The following ASB16 variants were observed in gnomAD, a reference collection of about 807,000 sequenced individuals.
The protein encoded by ASB16 is ankyrin repeat and SOCS box protein 16.
ASB16 carries 44 observed loss-of-function variants against 39.1 expected under a neutral mutation model. The ratio of observed to expected loss-of-function variants is 1.13; its 90% CI spans 0.88 to 1.45. The LOEUF is 1.45. ASB16 is among the 40% of genes most tolerant of loss of function. The pLI, the probability that ASB16 is intolerant of heterozygous loss-of-function variation, is 0.00. For missense variants in ASB16, 698 were observed against 634.5 expected, an observed-to-expected ratio of 1.10 and a Z score of -1.07; for synonymous variants, 305 against 286.7, an observed-to-expected ratio of 1.06 and a Z score of -0.64.
In ASB16 at chr17:44,178,453, C is replaced by T. The variant is rs533182118; in HGVS notation, c.*63C>T. The T allele has an allele frequency of 1.6e-5, 23 of 1,460,244 alleles. No individual in the cohort carries two copies. In the East Asian group the frequency reaches 4.2e-4, roughly 27 times the overall value. 90.5% of individuals were successfully genotyped at this position (1,460,244 alleles called of 1,614,324 possible). ...TCCCACCTGTCCCCGCCTCCAACTGCGGAGGACCAGTTCCTGGCCCTCTTT... is the reference window on the plus strand; with the variant it reads ...TCCCACCTGTCCCCGCCTCCAACTGTGGAGGACCAGTTCCTGGCCCTCTTT... On this transcript the variant is annotated 3_prime_UTR_variant, in exon 5 of 5. Coordinates refer to ENST00000293414, the MANE Select transcript of ASB16 (RefSeq NM_080863.5).
At chr17:44,171,561 TAAA>T (rs57839628) in intron 1 of ASB16, among the ~76,000 whole-genome samples, 12 of 97,702 alleles carry the variant, frequency 1.2e-4, no homozygotes, top group Non-Finnish European at 1.5e-4. Context: ...AGACCCTGCC[TAAA>T]AAAAAAAAAA....
intron 3 of ASB16, 56 bp from the exon 4 acceptor site, chr17:44,177,553 T>G (rs1005983704): frequency 1.1e-5 from 17 of 1,585,130 alleles, no homozygotes; most frequent in Non-Finnish European, 1.4e-5. Context: ...AGGCAAGACT[T>G]GGGTCTGCCC....
chr17:44,170,781 G>C lies in ASB16; in HGVS notation c.-9G>C. 1 of 1,580,996 alleles carries C rather than the reference G, an allele frequency of 6.3e-7. No individual in the cohort carries two copies. Among genetic ancestry groups the C allele is most frequent in the Non-Finnish European group, 8.6e-7 (1 of 1,163,056 alleles). On this transcript the variant is annotated 5_prime_UTR_variant, in exon 1 of 5. Coordinates refer to ENST00000293414, the MANE Select transcript of ASB16 (RefSeq NM_080863.5). The stretch of plus-strand genomic sequence containing the variant: ...CAGGTGCCACTGCCCAAACCCCTGG[G>C]CCCCATCCATGGCAAGAGAGACCTT...
chr17:44,176,952 C>G lies in ASB16; in HGVS notation c.784C>G (p.Arg262Gly). 1 of 1,501,470 alleles carries G rather than the reference C, an allele frequency of 6.7e-7. No individual in the cohort carries two copies. The highest frequency in any genetic ancestry group is 1.3e-5 in the South Asian group (1 of 79,514). The allele number at this position is 1,501,470 out of a possible 1,614,324, so 93.0% of individuals were successfully genotyped here. A position where few individuals can be genotyped will look rare whatever the true frequency, so the allele number is the denominator to read the frequency against. ...GGCCGAGGGCCCAGGTAGCTGCAGGCGACACCAGGCTGCGGCGCGCCGGCT... is the reference window on the plus strand; with the variant it reads ...GGCCGAGGGCCCAGGTAGCTGCAGGGGACACCAGGCTGCGGCGCGCCGGCT... ...AGAEGPGSCR[R>G]HQAAARRLLE... Residue 262 changes from arginine to glycine, a missense_variant, in exon 3 of 5, where the codon CGA becomes GGA. Arg to Gly is a moderately radical substitution (Grantham distance 125). Transcript: ENST00000293414.
Position 44,170,804 on chromosome 17 carries a change from C to T in ASB16, c.15C>T (p.Thr5=). 1 of 1,601,472 alleles carries T rather than the reference C, an allele frequency of 6.2e-7. No individual in the cohort carries two copies. The highest frequency in any genetic ancestry group is 8.5e-7 in the Non-Finnish European group (1 of 1,173,656). The change falls in exon 1 of 5, where the codon ACC becomes ACT. Residue 5 remains threonine, a synonymous_variant. Transcript: ENST00000293414. The part of the protein sequence containing the change: MARE[T]FPFTSSMLRS... ...GGGCCCCATCCATGGCAAGAGAGAC[C>T]TTCCCCTTCACCTCCTCCATGCTGC...
chr17:44,172,053 G>T lies in ASB16; in HGVS notation c.309G>T (p.Trp103Cys), dbSNP rs1161049963. The change falls in exon 2 of 5, where the codon TGG becomes TGT. Residue 103 changes from tryptophan to cysteine, a missense_variant. Coordinates refer to ENST00000293414, the MANE Select transcript of ASB16 (RefSeq NM_080863.5). ...ACTATTTGCTCTCCCTAGGGTTCTG[G>T]GTGCTGACCCCCAAGACCAAGCAGA... ...QLAWSAEQGF[W>C]VLTPKTKQTA... 6.2e-7 allele frequency: 1 copy of T among 1,611,922 alleles called. No homozygotes were observed. The highest frequency in any genetic ancestry group is 8.5e-7 in the Non-Finnish European group (1 of 1,179,580).
Position 44,178,438 on chromosome 17 carries a change from C to G in ASB16, c.*48C>G. ...GGTGTGTTCTGCCCCTCCCACCTGTCCCCGCCTCCAACTGCGGAGGACCAG... is the reference window on the plus strand; with the variant it reads ...GGTGTGTTCTGCCCCTCCCACCTGTGCCCGCCTCCAACTGCGGAGGACCAG... On this transcript the variant is annotated 3_prime_UTR_variant, in exon 5 of 5. Coordinates refer to ENST00000293414, the MANE Select transcript of ASB16 (RefSeq NM_080863.5). The G allele has an allele frequency of 1.3e-6, 2 of 1,502,654 alleles. No individual in the cohort carries two copies. Among genetic ancestry groups the G allele is most frequent in the Non-Finnish European group, 1.8e-6 (2 of 1,115,546 alleles). 93.1% of individuals were successfully genotyped at this position (1,502,654 alleles called of 1,614,324 possible).
rs146027914 is a variant in ASB16 at position 44,172,202 on chromosome 17, G to A, written c.458G>A (p.Arg153Gln). ...GCTGCCTTGCATGAGGCCTGTGCCC[G>A]AGCCCAGTTTGACTGTGTGCGGCTG... is the stretch of plus-strand genomic sequence containing the variant. ...GRAALHEACA[R>Q]AQFDCVRLLL... The change falls in exon 2 of 5, where the codon CGA becomes CAA. Residue 153 changes from arginine (R) to glutamine (Q), a missense_variant. Arg to Gln is a conservative substitution (Grantham distance 43). Coordinates refer to ENST00000293414, the MANE Select transcript of ASB16 (RefSeq NM_080863.5). The A allele has an allele frequency of 1.2e-4, 190 of 1,613,498 alleles. 1 individual carries two copies. In the African/African-American group the frequency reaches 2.2e-3, roughly 19 times the overall value.
chr17:44,177,878 C>A, intron 4 of ASB16, 156 bp downstream of exon 4: 3 of 1,061,532 alleles, frequency 2.8e-6, no homozygotes, highest in Admixed American at 2.9e-5. Context: ...TCCCCCGGTA[C>A]CCCAGGCTGA....
chr17:44,177,683 T>C lies in ASB16; in HGVS notation c.1137T>C (p.Cys379=), dbSNP rs1434440257. The C allele has an allele frequency of 4.0e-5, 65 of 1,613,736 alleles. No homozygotes were observed. The highest frequency in any genetic ancestry group is 5.3e-5 in the Non-Finnish European group (62 of 1,179,832). Residue 379 remains cysteine, a synonymous_variant, in exon 4 of 5, where the codon TGT becomes TGC. Coordinates refer to ENST00000293414, the MANE Select transcript of ASB16 (RefSeq NM_080863.5). Reference sequence around the variant, plus strand: ...ATGCCTATCCTTGTGTCCCATCCTGTGAGACCTGGGTGGAGGCGGTGCTCC... The same window carrying C: ...ATGCCTATCCTTGTGTCCCATCCTGCGAGACCTGGGTGGAGGCGGTGCTCC... ...LLNAYPCVPS[C]ETWVEAVLPE... is the part of the protein sequence containing the mutation.
chr17:44,177,773 A>G (rs762218771), intron 4 of ASB16, 51 bp downstream of exon 4: 23 of 1,599,464 alleles, frequency 1.4e-5, no homozygotes, highest in Non-Finnish European at 1.6e-5. Context: ...CCACAGGCCT[A>G]TTCCTTCAGG....
At chr17:44,176,587 T>C in intron 2 of ASB16, 151 bp from the exon 3 acceptor site, 1 of 1,129,668 alleles carries the variant, frequency 8.9e-7, no homozygotes. Context: ...TCCAATTCTG[T>C]TGTCTGTAGC....
chr17:44,174,604 C>T (rs2054271183), intron 2 of ASB16, among the ~76,000 whole-genome samples: 1 of 152,232 alleles, frequency 6.6e-6, no homozygotes, highest in South Asian at 2.1e-4. Flanking sequence ...TCAAGGGCTT[C>T]TGGAAGACTC....
intron 1 of ASB16, among the ~76,000 whole-genome samples, 177 bp from the exon 2 acceptor site, chr17:44,171,869 T>C (rs1210275544): frequency 3.3e-5 from 5 of 152,138 alleles, no homozygotes; most frequent in African/African-American, 1.2e-4. Context: ...TTCCAATTTA[T>C]TCTTCCACTT....
Position 44,178,575 on chromosome 17 carries a change from C to T in ASB16, c.*185C>T, listed in dbSNP as rs887582156. 1.5e-5 allele frequency: 10 copies of T among 650,256 alleles called. No individual in the cohort carries two copies. Among genetic ancestry groups the T allele is most frequent in the East Asian group, 5.8e-5 (2 of 34,768 alleles). The allele number at this position is 650,256 out of a possible 1,614,324, so 40.3% of individuals were successfully genotyped here. ...GCAACTTCTACCACCTAGGTTCAAG[C>T]GATTCTTGTGCCCCAAACTTCCGAG... On this transcript the variant is annotated 3_prime_UTR_variant, in exon 5 of 5. Transcript: ENST00000293414.
chr17:44,171,993 C>G, intron 1 of ASB16, 53 bp from the exon 2 acceptor site: 1 of 1,557,546 alleles, frequency 6.4e-7, no homozygotes, highest in African/African-American at 1.4e-5. Flanking sequence ...ATCCCCACTC[C>G]CTGCCCTGCC....
chr17:44,178,117 A>G, intron 4 of ASB16, 88 bp from the exon 5 acceptor site: 1 of 1,401,814 alleles, frequency 7.1e-7, no homozygotes, highest in Non-Finnish European at 9.9e-7. Flanking sequence ...AGGTGGGTGC[A>G]TGCTGCAAAA....
chr17:44,178,911 T>C lies in ASB16; in HGVS notation c.*521T>C, dbSNP rs2054339363. On this transcript the variant is annotated 3_prime_UTR_variant, in exon 5 of 5. Transcript: ENST00000293414. ...AGGAAGGGCTGCAGACTCGGCCTGT[T>C]CCCAGACTCGGCCTTCACCTCCCTT... 6.3e-6 allele frequency: 1 copy of C among 158,286 alleles called. No homozygotes were observed. The highest frequency in any genetic ancestry group is 1.8e-4 in the South Asian group (1 of 5,524). The allele number at this position is 158,286 out of a possible 1,614,324, so 9.8% of individuals were successfully genotyped here. A position where few individuals can be genotyped will look rare whatever the true frequency, so the allele number is the denominator to read the frequency against.
chr17:44,175,101 C>CAA (rs11479738), intron 2 of ASB16, among the ~76,000 whole-genome samples: 4 of 95,992 alleles, frequency 4.2e-5, no homozygotes, highest in Non-Finnish European at 4.6e-5. Context: ...GACTCTGCCT[C>CAA]AAAAAAAAAA....
Sources: allele counts gnomAD v4.1 joint callset (sites outside exome capture counted in the v4.1 genomes callset), GRCh38; gene constraint gnomAD v4.1.1; transcripts MANE v1.5; gene names NCBI Gene and HGNC (gene_info 2026-07-23, HGNC 2026-07-21).